The following MARCHF1 variants were observed in gnomAD, a reference collection of about 807,000 sequenced individuals.
MARCHF1 encodes membrane associated ring-CH-type finger 1, also known as E3 ubiquitin-protein ligase MARCHF1.
MARCHF1 carries 40 observed loss-of-function variants against 54.2 expected under a neutral mutation model. The ratio of observed to expected loss-of-function variants is 0.74; its 90% confidence interval spans 0.57 to 0.96. The LOEUF is 0.96. Ranked by LOEUF, MARCHF1 falls within the 40% of genes least tolerant of loss-of-function variation. The pLI is 0.00. For synonymous variants in MARCHF1, 236 were observed against 236.3 expected, an observed-to-expected ratio of 1.00 and a Z score of 0.01; for missense variants, 586 against 656.5, an observed-to-expected ratio of 0.89 and a Z score of 1.17.
At chr4:163,665,489 A>G (rs976147557) in intron 5 of MARCHF1, among the ~76,000 whole-genome samples, 1 of 152,106 alleles carries the variant, frequency 6.6e-6, no homozygotes. Flanking sequence ...AAGATGACTG[A>G]TGATGTTCTT....
chr4:163,650,548 G>A (rs1427062824), intron 5 of MARCHF1, among the ~76,000 whole-genome samples: 1 of 151,890 alleles, frequency 6.6e-6, no homozygotes, highest in African/African-American at 2.4e-5. Flanking sequence ...ATTAAATCAG[G>A]TGTAAAGTGT....
intron 1 of MARCHF1, among the ~76,000 whole-genome samples, chr4:164,342,594 C>A (rs919937571): frequency 2.0e-5 from 3 of 151,376 alleles, no homozygotes; most frequent in Admixed American, 2.0e-4. Context: ...ACAATATAAT[C>A]CATCATTTCT....
chr4:163,734,533 T>C, intron 4 of MARCHF1, among the ~76,000 whole-genome samples: 1 of 129,892 alleles, frequency 7.7e-6, no homozygotes. Flanking sequence ...TCATGCTGAG[T>C]AAAAAAGCTA....
chr4:163,566,202 G>C (rs554778078), intron 8 of MARCHF1, among the ~76,000 whole-genome samples: 1 of 152,332 alleles, frequency 6.6e-6, no homozygotes, highest in African/African-American at 2.4e-5. Flanking sequence ...GGCTTAAACT[G>C]CAGTATGAGT....
chr4:163,966,901 A>T (rs1260859496), intron 3 of MARCHF1, among the ~76,000 whole-genome samples: 1 of 152,144 alleles, frequency 6.6e-6, no homozygotes, highest in African/African-American at 2.4e-5. Flanking sequence ...TTCTGACAGC[A>T]CAAAGGAGGG....
chr4:163,962,712 A>C (rs1387756275), intron 3 of MARCHF1, among the ~76,000 whole-genome samples: 1 of 151,960 alleles, frequency 6.6e-6, no homozygotes, highest in African/African-American at 2.4e-5. Context: ...ATTTACAAAA[A>C]TGTTTTCAGC....
chr4:163,923,688 A>G (rs1751478290), intron 3 of MARCHF1, among the ~76,000 whole-genome samples: 1 of 151,894 alleles, frequency 6.6e-6, no homozygotes, highest in Admixed American at 6.6e-5. Flanking sequence ...TTATATTTCT[A>G]GGCTAAAGTG....
intron 8 of MARCHF1, among the ~76,000 whole-genome samples, chr4:163,563,332 C>A (rs1739534141): frequency 6.6e-6 from 1 of 152,196 alleles, no homozygotes; most frequent in South Asian, 2.1e-4. Context: ...CTGTGGTCAT[C>A]CTTCTCTCTG....
At chr4:163,580,086 T>C (rs1740177457) in intron 8 of MARCHF1, among the ~76,000 whole-genome samples, 1 of 151,424 alleles carries the variant, frequency 6.6e-6, no homozygotes, top group African/African-American at 2.4e-5. Context: ...TATTTATTTA[T>C]TTATTTATTT....
chr4:164,101,091 G>T (rs558489153), intron 2 of MARCHF1, among the ~76,000 whole-genome samples: 2 of 152,208 alleles, frequency 1.3e-5, no homozygotes, highest in Non-Finnish European at 2.9e-5. Flanking sequence ...ATTATATCCC[G>T]CACCTGGCTC....
At chr4:163,663,647 G>A (rs993098516) in intron 5 of MARCHF1, among the ~76,000 whole-genome samples, 1 of 152,042 alleles carries the variant, frequency 6.6e-6, no homozygotes, top group Admixed American at 6.6e-5. Context: ...GTGAGCAATA[G>A]GTGGCAGGGC....
At chr4:163,934,072 C>T (rs1214456460) in intron 3 of MARCHF1, among the ~76,000 whole-genome samples, 5 of 152,156 alleles carry the variant, frequency 3.3e-5, no homozygotes, top group African/African-American at 1.2e-4. Flanking sequence ...AAGTCCAAGT[C>T]TAAAGCTTTA....
chr4:163,985,195 G>A (rs1221629821), intron 3 of MARCHF1, among the ~76,000 whole-genome samples: 3 of 88,738 alleles, frequency 3.4e-5, no homozygotes, highest in Non-Finnish European at 7.2e-5. Context: ...CATAAGAAGT[G>A]AAGTGGTTTG....
intron 8 of MARCHF1, among the ~76,000 whole-genome samples, chr4:163,580,538 TAGAA>T (rs1453563880): frequency 6.6e-6 from 1 of 152,140 alleles, no homozygotes; most frequent in African/African-American, 2.4e-5. Context: ...CAAACCCAGA[TAGAA>T]AGGCTTTTAA....
chr4:163,579,470 A>G (rs564255883), intron 8 of MARCHF1, among the ~76,000 whole-genome samples: 4 of 152,368 alleles, frequency 2.6e-5, no homozygotes, highest in African/African-American at 9.6e-5. Flanking sequence ...GTAGCATACT[A>G]GACTCCTCCT....
At chr4:164,207,074 T>TG (rs1280026996) in intron 1 of MARCHF1, among the ~76,000 whole-genome samples, 3 of 152,210 alleles carry the variant, frequency 2.0e-5, no homozygotes, top group Admixed American at 2.0e-4. Flanking sequence ...ATAAACTCTT[T>TG]TAACAATAGA....
chr4:164,128,683 A>G (rs1296910624), intron 1 of MARCHF1, among the ~76,000 whole-genome samples: 3 of 152,108 alleles, frequency 2.0e-5, no homozygotes, highest in Non-Finnish European at 4.4e-5. Context: ...CTGGTGAGAA[A>G]CTCCAAAATT....
rs534787907 is a variant in MARCHF1, at chr4:164,258,473, T to C, written c.-323+125397A>G. 4.0e-5 allele frequency among the ~76,000 whole-genome samples: 6 copies of C among 151,870 alleles called. No homozygotes were observed. In the South Asian group the frequency reaches 1.2e-3, roughly 31 times the overall value. On this transcript the variant is annotated intron_variant, in intron 1 of 9. Coordinates refer to ENST00000514618, the MANE Select transcript of MARCHF1 (RefSeq NM_001394959.1). ...TCCTAGTTTCTGTTTCACATTTAAT[T>C]ATGGGTGTGGCACCCTCTTCCTAAT...
intron 4 of MARCHF1, among the ~76,000 whole-genome samples, chr4:163,843,174 T>C (rs777722187): frequency 6.6e-6 from 1 of 152,154 alleles, no homozygotes. Context: ...GTTGCATCCA[T>C]GTTGCTGCAA....
Sources: gnomAD v4.1 joint callset for allele counts (sites outside exome capture counted in the v4.1 genomes callset) on GRCh38, gnomAD v4.1.1 for gene constraint, MANE v1.5 for transcripts, NCBI Gene and HGNC (gene_info 2026-07-23, HGNC 2026-07-21) for gene names.